The following CCDC15 variants were observed in gnomAD, a reference collection of about 807,000 sequenced individuals.
CCDC15 encodes coiled-coil domain containing 15.
In CCDC15, 105 loss-of-function variants were observed where a neutral mutation model predicts 114.5. The observed-to-expected ratio is 0.92, with a 90% CI of 0.78 to 1.08. CCDC15 has a LOEUF of 1.08. CCDC15 is among the 50% of genes least tolerant of loss of function. The pLI is 0.00. For missense variants in CCDC15, 1,105 were observed against 1,093.6 expected (o/e 1.01, Z -0.15); for synonymous variants, 334 against 377.8 (o/e 0.88, Z 1.34).
chr11:124,987,559 C>T lies in CCDC15; in HGVS notation c.1333C>T (p.Gln445Ter), dbSNP rs779989276. ...AGACCAGAGTATTCTACTCAAATAT[C>T]AGGACCAGGACTTCCTACCCAGAGA... ...PKDQSILLKYQDQDFLPRDQH... is the reference protein window; with the variant it reads ...PKDQSILLKY Residue 445 changes from glutamine (Q) to a stop codon, truncating the protein, a stop_gained, in exon 8 of 16, where the codon CAG (glutamine) becomes TAG (stop). Coordinates refer to ENST00000344762, the MANE Select transcript of CCDC15 (RefSeq NM_025004.3). LOFTEE classifies it high-confidence loss of function. The T allele has an allele frequency of 6.8e-6, 11 of 1,613,868 alleles. No individual in the cohort carries two copies. Among genetic ancestry groups the T allele is most frequent in the Non-Finnish European group, 8.5e-6 (10 of 1,179,904 alleles).
At chr11:124,994,221 G>A (rs191446053) in intron 11 of CCDC15, among the ~76,000 whole-genome samples, 137 of 152,232 alleles carry the variant, frequency 9.0e-4, no homozygotes, top group Non-Finnish European at 1.7e-3. Context: ...CTTCTGGGTG[G>A]CCATTAGCAC....
chr11:125,039,177 A>G (rs978886285), intron 15 of CCDC15, 108 bp downstream of exon 15: 3 of 992,270 alleles, frequency 3.0e-6, no homozygotes, highest in Non-Finnish European at 4.2e-6. Flanking sequence ...TGTATCAGAG[A>G]CTGTTATAAA....
At chr11:125,018,905 T>A (rs959449426) in intron 13 of CCDC15, among the ~76,000 whole-genome samples, 2 of 151,728 alleles carry the variant, frequency 1.3e-5, no homozygotes, top group Non-Finnish European at 2.9e-5. Flanking sequence ...AAAGTGGGAA[T>A]TGGAGAGGGG....
At chr11:125,002,916 A>C (rs1023003605) in intron 11 of CCDC15, among the ~76,000 whole-genome samples, 4 of 152,068 alleles carry the variant, frequency 2.6e-5, no homozygotes, top group African/African-American at 9.7e-5. Flanking sequence ...GGATCATCTT[A>C]TCAATTTCTG....
chr11:124,984,132 A>G (rs1036504808), intron 6 of CCDC15, among the ~76,000 whole-genome samples: 8 of 152,098 alleles, frequency 5.3e-5, no homozygotes, highest in African/African-American at 1.9e-4. Flanking sequence ...ATGCATGCAC[A>G]CTGGTGGGGA....
chr11:125,036,127 A>C (rs534886933), intron 13 of CCDC15, among the ~76,000 whole-genome samples: 100 of 135,418 alleles, frequency 7.4e-4, no homozygotes, highest in Non-Finnish European at 1.1e-3. Flanking sequence ...CTTTCAGATT[A>C]AAGAACTCCC....
chr11:125,028,212 CTCTTT>C (rs1230519056), intron 13 of CCDC15, among the ~76,000 whole-genome samples: 1 of 152,124 alleles, frequency 6.6e-6, no homozygotes, highest in Non-Finnish European at 1.5e-5. Context: ...CAGGTTTGTT[CTCTTT>C]TCTTAGTATT....
intron 13 of CCDC15, among the ~76,000 whole-genome samples, chr11:125,031,578 G>A (rs1206787973): frequency 6.6e-6 from 1 of 152,200 alleles, no homozygotes; most frequent in Non-Finnish European, 1.5e-5. Flanking sequence ...CCAAAGTCCA[G>A]TAACAGGCTA....
At chr11:124,993,027 T>A (rs1218767880) in intron 10 of CCDC15, 142 bp from the exon 11 acceptor site, 7 of 536,378 alleles carry the variant, frequency 1.3e-5, no homozygotes, top group Non-Finnish European at 2.3e-5. Context: ...ATTTTTATGT[T>A]GAACACACAC....
intron 6 of CCDC15, among the ~76,000 whole-genome samples, chr11:124,982,841 A>C (rs1416102646): frequency 1.3e-5 from 2 of 152,208 alleles, no homozygotes; most frequent in Non-Finnish European, 2.9e-5. Context: ...TGGCCTCTCT[A>C]GCCAGGTTGG....
intron 4 of CCDC15, among the ~76,000 whole-genome samples, chr11:124,972,677 C>T (rs965958224): frequency 2.0e-5 from 3 of 152,260 alleles, no homozygotes; most frequent in Middle Eastern, 3.4e-3. Flanking sequence ...TAAACCAAAA[C>T]GAAGGTGTCC....
At chr11:125,008,055 C>T (rs1187189826) in intron 13 of CCDC15, among the ~76,000 whole-genome samples, 1 of 152,098 alleles carries the variant, frequency 6.6e-6, no homozygotes, top group Non-Finnish European at 1.5e-5. Context: ...TGTCAATATC[C>T]ACGAAATAAC....
At chr11:124,967,044 C>T (rs1433401034) in intron 4 of CCDC15, among the ~76,000 whole-genome samples, 2 of 152,160 alleles carry the variant, frequency 1.3e-5, no homozygotes, top group African/African-American at 4.8e-5. Context: ...GTGGGTAACC[C>T]GACCTTCTCT....
At chr11:125,001,004 G>A (rs1252781825) in intron 11 of CCDC15, among the ~76,000 whole-genome samples, 9 of 152,150 alleles carry the variant, frequency 5.9e-5, no homozygotes, top group Non-Finnish European at 1.5e-5. Flanking sequence ...CAACAGCACT[G>A]TAACTCATGC....
At chr11:124,958,583 C>G (rs1947595996) in intron 2 of CCDC15, among the ~76,000 whole-genome samples, 1 of 151,872 alleles carries the variant, frequency 6.6e-6, no homozygotes, top group African/African-American at 2.4e-5. Context: ...ATCCTGTCCT[C>G]AAAGAGTTCA....
chr11:124,988,346 A>G (rs1948211993), intron 8 of CCDC15, among the ~76,000 whole-genome samples: 1 of 152,202 alleles, frequency 6.6e-6, no homozygotes, highest in African/African-American at 2.4e-5. Flanking sequence ...ACTGTAGTTT[A>G]TTAGTGTGCA....
At chr11:124,991,675 C>A in intron 9 of CCDC15, 92 bp downstream of exon 9, 1 of 1,204,506 alleles carries the variant, frequency 8.3e-7, no homozygotes, top group Non-Finnish European at 1.1e-6. Context: ...GATTTTGGAG[C>A]TAACCTAAGA....
intron 11 of CCDC15, among the ~76,000 whole-genome samples, chr11:124,995,816 CCCTGGAATAGCCTTTTCT>C (rs1022388655): frequency 6.6e-6 from 1 of 151,826 alleles, no homozygotes; most frequent in African/African-American, 2.4e-5. Context: ...AAATTTTCAA[CCCTGGAATAGCCTTTTCT>C]CCTTTTTTTT....
At chr11:124,960,792 C>G (rs1414934561) in intron 4 of CCDC15, among the ~76,000 whole-genome samples, 2 of 152,226 alleles carry the variant, frequency 1.3e-5, no homozygotes, top group East Asian at 3.9e-4. Flanking sequence ...TATACCTGAG[C>G]TTTTGTCCAG....
Sources: allele counts gnomAD v4.1 joint callset (sites outside exome capture counted in the v4.1 genomes callset), GRCh38; gene constraint gnomAD v4.1.1; transcripts MANE v1.5; gene names NCBI Gene and HGNC (gene_info 2026-07-23, HGNC 2026-07-21).